The following CCDC88C variants were observed in gnomAD, a reference collection of about 807,000 sequenced individuals.
The protein encoded by CCDC88C is coiled-coil and HOOK domain protein 88C.
Under a neutral mutation model 198.8 loss-of-function variants are expected in CCDC88C, and 131 were observed. The ratio of observed to expected loss-of-function variants is 0.66; its 90% confidence interval spans 0.57 to 0.76. The LOEUF (loss-of-function observed/expected upper bound fraction) is 0.76. Among genes scored for constraint, CCDC88C ranks in the 30% least tolerant of loss-of-function variants. The pLI is 0.00. For synonymous variants in CCDC88C, 1,166 were observed against 1,114.7 expected (o/e 1.05, Z -0.92); for missense variants, 2,553 against 2,631.6 (o/e 0.97, Z 0.65).
At chr14:91,285,830 G>A (rs887802499) in intron 25 of CCDC88C, 23 of 1,286,870 alleles carry the variant, frequency 1.8e-5, no homozygotes, top group African/African-American at 1.7e-4. Context: ...CTTTTTGCGC[G>A]GAGGTGCTAA....
rs750732805 is a variant in CCDC88C, at chr14:91,339,292, G to A, written c.795C>T (p.Arg265=). ...ELADTKARLR[R]VRQELEDKTE... ...CGGGGACTCACAGCTCCTGCCTGAC[G>A]CGCCGCAGCCTGGCCTTGGTGTCGG... The change falls in exon 8 of 30, where the codon CGC becomes CGT. Residue 265 remains arginine (R), a synonymous_variant. Coordinates refer to ENST00000389857, the MANE Select transcript of CCDC88C (RefSeq NM_001080414.4). The surrounding 1 kb of genome is among the most constrained non-coding windows in gnomAD (Gnocchi z 5.8). 1.8e-5 allele frequency: 29 copies of A among 1,612,634 alleles called. No individual in the cohort carries two copies. Among genetic ancestry groups the A allele is most frequent in the East Asian group, 2.2e-5 (1 of 44,902 alleles).
Position 91,329,299 on chromosome 14 carries a change from G to T in CCDC88C, c.1051-3243C>A, listed in dbSNP as rs1328088356. Among the ~76,000 whole-genome samples the T allele has an allele frequency of 2.0e-5, 3 of 152,202 alleles. No individual in the cohort carries two copies. The East Asian group carries it at 5.8e-4, about 29-fold the overall frequency. On this transcript the variant is annotated intron_variant, in intron 10 of 29. Transcript: ENST00000389857. ...TCCTCAGCAGTTATTAAGGAACAAGGGAGACACAAAGTTCCAGGTGGGAAC... is the reference window on the plus strand; with the variant it reads ...TCCTCAGCAGTTATTAAGGAACAAGTGAGACACAAAGTTCCAGGTGGGAAC...
At chr14:91,375,604 G>A (rs1884358531) in intron 3 of CCDC88C, among the ~76,000 whole-genome samples, 1 of 152,110 alleles carries the variant, frequency 6.6e-6, no homozygotes. Flanking sequence ...TGGCTTCCCC[G>A]CAGGGCCGGC....
chr14:91,289,018 C>T (rs1890539041), intron 25 of CCDC88C, 87 bp downstream of exon 25: 2 of 1,091,702 alleles, frequency 1.8e-6, no homozygotes, highest in African/African-American at 1.6e-5. Flanking sequence ...CTGGCACGTT[C>T]CTGCACACGT....
rs79416584 is a variant in CCDC88C, at chr14:91,407,730, C to T, written c.270+929G>A. On this transcript the variant is annotated intron_variant, in intron 3 of 29. Transcript: ENST00000389857. ...ATCCGTATTGGCCACACAGAGATCA[C>T]TAACACCATCAAAGACTCAACTGGC... Among the ~76,000 whole-genome samples the T allele has an allele frequency of 9.9e-3, 1,507 of 152,256 alleles. 27 individuals carry two copies. Among genetic ancestry groups the T allele is most frequent in the African/African-American group, 0.035 (1,449 of 41,534 alleles).
intron 25 of CCDC88C, 135 bp from the exon 26 acceptor site, chr14:91,283,652 G>A (rs1483710151): frequency 3.0e-5 from 25 of 835,218 alleles, no homozygotes; most frequent in Middle Eastern, 2.6e-4. Context: ...CACAGCTCTC[G>A]GGCTGCAACT....
intron 13 of CCDC88C, 124 bp downstream of exon 13, chr14:91,320,996 C>T: frequency 1.1e-6 from 1 of 918,560 alleles, no homozygotes; most frequent in Non-Finnish European, 1.6e-6. Context: ...ATTCTGTCCA[C>T]TGCCTGACAC....
intron 3 of CCDC88C, among the ~76,000 whole-genome samples, chr14:91,383,674 A>G (rs1884950302): frequency 6.6e-6 from 1 of 152,094 alleles, no homozygotes; most frequent in African/African-American, 2.4e-5. Flanking sequence ...GAAACCAGAC[A>G]CCCCTGGGAA....
intron 14 of CCDC88C, 76 bp from the exon 15 acceptor site, chr14:91,314,226 T>C: frequency 8.1e-7 from 1 of 1,241,686 alleles, no homozygotes; most frequent in East Asian, 2.5e-5. Flanking sequence ...ACACTGGGGA[T>C]GGGAGAGAGA....
intron 3 of CCDC88C, among the ~76,000 whole-genome samples, chr14:91,389,838 C>T (rs532567324): frequency 7.8e-4 from 118 of 151,900 alleles, no homozygotes; most frequent in African/African-American, 2.7e-3. Flanking sequence ...TTTGGGAGGC[C>T]GAGGCGGGCG....
chr14:91,412,048 GC>G (rs1174713654), intron 2 of CCDC88C, among the ~76,000 whole-genome samples: 1 of 150,762 alleles, frequency 6.6e-6, no homozygotes. Context: ...CAGTAACCTT[GC>G]CCCCCTCCTT....
At chr14:91,302,830 G>A (rs571788573) in intron 20 of CCDC88C, among the ~76,000 whole-genome samples, 1 of 152,206 alleles carries the variant, frequency 6.6e-6, no homozygotes, top group South Asian at 2.1e-4. Flanking sequence ...GAGCTGGGAG[G>A]CCAGAGAAGG....
intron 2 of CCDC88C, among the ~76,000 whole-genome samples, chr14:91,415,514 C>T (rs1479476757): frequency 1.3e-5 from 2 of 152,092 alleles, no homozygotes; most frequent in Non-Finnish European, 2.9e-5. Context: ...CACCTGAGGT[C>T]GGGAGTTCGA....
chr14:91,311,473 T>A (rs1438103759), intron 15 of CCDC88C, among the ~76,000 whole-genome samples: 1 of 152,096 alleles, frequency 6.6e-6, no homozygotes, highest in Non-Finnish European at 1.5e-5. Flanking sequence ...CCTCACTCTC[T>A]CTCTTCCTCC....
chr14:91,344,350 T>A (rs1044146139), intron 4 of CCDC88C, among the ~76,000 whole-genome samples: 1 of 152,040 alleles, frequency 6.6e-6, no homozygotes, highest in African/African-American at 2.4e-5. Context: ...TATGCAAAAT[T>A]CCAAACAGAC....
At chr14:91,355,987 T>C (rs1894024942) in intron 4 of CCDC88C, among the ~76,000 whole-genome samples, 1 of 151,660 alleles carries the variant, frequency 6.6e-6, no homozygotes, top group Non-Finnish European at 1.5e-5. Flanking sequence ...TTAGCATCCA[T>C]CAAAAAGAGT....
At chr14:91,289,075 C>CCCGA (rs1835061761) in intron 25 of CCDC88C, 30 bp downstream of exon 25, 1 of 1,587,350 alleles carries the variant, frequency 6.3e-7, no homozygotes. Context: ...CCCTTCCTCA[C>CCCGA]CCGACCACGG....
chr14:91,349,234 G>C (rs1262601675), intron 4 of CCDC88C, among the ~76,000 whole-genome samples: 1 of 152,130 alleles, frequency 6.6e-6, no homozygotes, highest in African/African-American at 2.4e-5. Flanking sequence ...AAATGCTATG[G>C]GAACCCGGGA....
chr14:91,406,710 C>A (rs1886503063), intron 3 of CCDC88C, among the ~76,000 whole-genome samples: 1 of 152,258 alleles, frequency 6.6e-6, no homozygotes, highest in South Asian at 2.1e-4. Context: ...TGCTGAGCAG[C>A]CGGCACAGCC....
Sources: allele counts gnomAD v4.1 joint callset (sites outside exome capture counted in the v4.1 genomes callset), GRCh38; gene constraint gnomAD v4.1.1; non-coding constraint Gnocchi (gnomAD v3.1); transcripts MANE v1.5; gene names NCBI Gene and HGNC (gene_info 2026-07-23, HGNC 2026-07-21).